The following PDE4D variants were observed in gnomAD, a reference collection of about 807,000 sequenced individuals.
PDE4D encodes the protein phosphodiesterase 4D, also known as 3',5'-cyclic-AMP phosphodiesterase 4D.
Under a neutral mutation model 87.4 loss-of-function variants are expected in PDE4D, and 24 were observed. The ratio of observed to expected loss-of-function variants is 0.27; its 90% CI spans 0.20 to 0.39. The LOEUF is 0.39. Ranked by LOEUF, PDE4D falls within the 10% of genes least tolerant of loss-of-function variation. The pLI is 1.00. For missense variants in PDE4D, 714 were observed against 1,041.0 expected (o/e 0.69, Z 4.32); for synonymous variants, 384 against 383.2 (o/e 1.00, Z -0.02).
chr5:60,281,993 T>C (rs1751953094), intron 1 of PDE4D, among the ~76,000 whole-genome samples: 1 of 151,288 alleles, frequency 6.6e-6, no homozygotes, highest in African/African-American at 2.4e-5. Context: ...GCTGTGATTG[T>C]AGCACTGCAC....
chr5:59,510,918 TA>T (rs575328434), intron 1 of PDE4D, among the ~76,000 whole-genome samples: 21 of 152,070 alleles, frequency 1.4e-4, no homozygotes, highest in Non-Finnish European at 2.7e-4. Flanking sequence ...CTGTAAAACT[TA>T]AATCCAAGTA....
rs541080780 is a variant in PDE4D, at chr5:59,528,962, C to T, written c.456-312994G>A. 272 of 445,004 alleles carry T rather than the reference C, an allele frequency of 6.1e-4. 3 individuals carry two copies. The highest frequency in any genetic ancestry group is 5.1e-3 in the African/African-American group (252 of 49,702). 27.6% of individuals were successfully genotyped at this position (445,004 alleles called of 1,614,324 possible). ...TCTCTGGAAGGCTGGCAGATGCAAG[C>T]TGAACGGTTGGCCATAAGAGCCCAG... On this transcript the variant is annotated intron_variant, in intron 1 of 14. Transcript: ENST00000340635.
upstream of PDE4D, among the ~76,000 whole-genome samples, chr5:59,895,813 T>G (rs1233637455): frequency 1.3e-5 from 2 of 152,234 alleles, no homozygotes; most frequent in African/African-American, 4.8e-5. Context: ...CTTATAATTT[T>G]TTTCCAGATT....
intron 1 of PDE4D, among the ~76,000 whole-genome samples, chr5:60,505,184 G>A (rs185272561): frequency 5.3e-5 from 8 of 152,262 alleles, no homozygotes; most frequent in Admixed American, 4.6e-4. Context: ...TATTTCCAAA[G>A]GTCAATGAAG....
intron 1 of PDE4D, among the ~76,000 whole-genome samples, chr5:60,317,526 C>T (rs1755746107): frequency 6.6e-6 from 1 of 152,118 alleles, no homozygotes; most frequent in Admixed American, 6.5e-5. Flanking sequence ...TTGCCTTCTG[C>T]TAGCTTTTGA....
At chr5:59,845,267 A>ACCAATG (rs1743663944) in intron 1 of PDE4D, among the ~76,000 whole-genome samples, 1 of 151,976 alleles carries the variant, frequency 6.6e-6, no homozygotes, top group African/African-American at 2.4e-5. Flanking sequence ...GCAATAGAAA[A>ACCAATG]CCAATGCATT....
chr5:60,302,287 C>A (rs1227236898), intron 1 of PDE4D, among the ~76,000 whole-genome samples: 1 of 152,132 alleles, frequency 6.6e-6, no homozygotes, highest in African/African-American at 2.4e-5. Flanking sequence ...AGCTGTTAAT[C>A]CATCTAGTCC....
chr5:59,139,699 C>T (rs1467617623), intron 5 of PDE4D, among the ~76,000 whole-genome samples: 1 of 151,558 alleles, frequency 6.6e-6, no homozygotes, highest in Non-Finnish European at 1.5e-5. Flanking sequence ...AGGCTGGTCT[C>T]AAACTCCTGG....
At chr5:59,476,398 G>T (rs576171625) in intron 1 of PDE4D, among the ~76,000 whole-genome samples, 10 of 152,132 alleles carry the variant, frequency 6.6e-5, no homozygotes, top group Middle Eastern at 3.4e-3. Context: ...CTTTATGTAG[G>T]ATATATTTCA....
At chr5:59,834,124 C>T (rs1321887847) in intron 1 of PDE4D, among the ~76,000 whole-genome samples, 1 of 152,060 alleles carries the variant, frequency 6.6e-6, no homozygotes, top group Non-Finnish European at 1.5e-5. Context: ...CAGTCTCCCT[C>T]TGCCACTTCT....
intron 6 of PDE4D, among the ~76,000 whole-genome samples, chr5:59,011,356 G>C (rs1405596369): frequency 2.6e-5 from 4 of 152,168 alleles, no homozygotes; most frequent in Admixed American, 2.6e-4. Flanking sequence ...CCGAGCTAAA[G>C]GAGGATGTTC....
chr5:59,742,065 G>A (rs766520643), intron 1 of PDE4D, among the ~76,000 whole-genome samples: 5 of 151,886 alleles, frequency 3.3e-5, no homozygotes, highest in African/African-American at 1.2e-4. Flanking sequence ...TCTTCTTTTG[G>A]GGGGAGGGTA....
chr5:60,025,255 A>T (rs1386827049), intron 2 of PDE4D, among the ~76,000 whole-genome samples: 3 of 152,202 alleles, frequency 2.0e-5, no homozygotes, highest in Admixed American at 2.0e-4. Flanking sequence ...TTGCAGCAAG[A>T]TGTGAGCATT....
At position 59,588,991 on chromosome 5, in the gene PDE4D, C is replaced by T. The variant is rs180963882; in HGVS notation, c.455+304177G>A. On this transcript the variant is annotated intron_variant, in intron 1 of 14. Coordinates refer to ENST00000340635, the MANE Select transcript of PDE4D (RefSeq NM_001104631.2). ...ACATTTAAATATTATTATTTAAGAGCTAGGAACATCTACAATGCCCCAGGT... is the reference window on the plus strand; with the variant it reads ...ACATTTAAATATTATTATTTAAGAGTTAGGAACATCTACAATGCCCCAGGT... Among the ~76,000 whole-genome samples the T allele has an allele frequency of 2.0e-5, 3 of 152,264 alleles. No individual in the cohort carries two copies. The East Asian group carries it at 5.8e-4, about 29-fold the overall frequency.
At chr5:59,950,975 A>G (rs529309384) in intron 3 of PDE4D, among the ~76,000 whole-genome samples, 12 of 152,232 alleles carry the variant, frequency 7.9e-5, no homozygotes, top group African/African-American at 2.9e-4. Context: ...ATTTCAAAAA[A>G]AATTGTCAAT....
intron 1 of PDE4D, among the ~76,000 whole-genome samples, chr5:59,282,804 TTTA>T (rs1437114566): frequency 6.6e-6 from 1 of 152,152 alleles, no homozygotes; most frequent in African/African-American, 2.4e-5. Context: ...TAAATTTACA[TTTA>T]TTTGATAACA....
intron 1 of PDE4D, among the ~76,000 whole-genome samples, chr5:60,201,206 C>CAAA (rs1161235940): frequency 1.6e-5 from 1 of 61,962 alleles, no homozygotes; most frequent in Non-Finnish European, 3.9e-5. Flanking sequence ...AAAAAGAAAG[C>CAAA]AAAAAAAAAA....
At chr5:59,367,589 CAT>C (rs1208872612) in intron 1 of PDE4D, among the ~76,000 whole-genome samples, 1 of 152,096 alleles carries the variant, frequency 6.6e-6, no homozygotes, top group Non-Finnish European at 1.5e-5. Flanking sequence ...AAAGATGTCT[CAT>C]AGATATTTTA....
intron 1 of PDE4D, among the ~76,000 whole-genome samples, chr5:59,349,400 T>C (rs368183641): frequency 5.3e-5 from 8 of 152,222 alleles, no homozygotes; most frequent in African/African-American, 1.9e-4. Flanking sequence ...GTGTATAGAA[T>C]TGAATGCTTC....
Sources: allele counts gnomAD v4.1 joint callset (sites outside exome capture counted in the v4.1 genomes callset), GRCh38; gene constraint gnomAD v4.1.1; transcripts MANE v1.5; gene names NCBI Gene and HGNC (gene_info 2026-07-23, HGNC 2026-07-21).